ZNF546: variants seen among roughly 807,000 people sequenced by gnomAD.
ZNF546 encodes CTC-471F3.6.
A neutral mutation model predicts 76.2 loss-of-function variants in ZNF546; 60 were observed. The observed-to-expected ratio is 0.79, with a 90% CI of 0.64 to 0.98. The LOEUF is 0.98. Ranked by LOEUF, ZNF546 falls within the 50% of genes least tolerant of loss-of-function variation. The probability of loss-of-function intolerance (pLI) is 0.00; values close to 1 mark genes in which losing one functional copy is unlikely to be tolerated. For synonymous variants in ZNF546, 277 were observed against 328.1 expected (o/e 0.84, Z 1.68); for missense variants, 936 against 1,035.6 (o/e 0.90, Z 1.32).
chr19:40,008,423 T>C (rs1431431329), intron 5 of ZNF546, 47 bp from the exon 6 acceptor site: 2 of 1,435,882 alleles, frequency 1.4e-6, no homozygotes, highest in African/African-American at 1.4e-5. Context: ...GTTATGGTTG[T>C]TTTTGTTTTT....
chr19:40,006,056 AC>A, intron 3 of ZNF546, 39 bp from the exon 4 acceptor site: 1 of 1,555,198 alleles, frequency 6.4e-7, no homozygotes. Flanking sequence ...AGGAGTTTTG[AC>A]ACACATCTGG....
intron 6 of ZNF546, among the ~76,000 whole-genome samples, chr19:40,009,658 C>G (rs1010096267): frequency 6.6e-6 from 1 of 152,144 alleles, no homozygotes; most frequent in East Asian, 1.9e-4. Context: ...CCCTCTCTAC[C>G]CACTGCCCAG....
At chr19:40,009,029 C>T (rs1354847946) in intron 6 of ZNF546, among the ~76,000 whole-genome samples, 6 of 152,044 alleles carry the variant, frequency 3.9e-5, no homozygotes, top group Non-Finnish European at 7.4e-5. Context: ...GTTGTCAATA[C>T]GTAAACAGAT....
At chr19:40,005,593 C>T (rs1336316663) in intron 3 of ZNF546, among the ~76,000 whole-genome samples, 2 of 151,770 alleles carry the variant, frequency 1.3e-5, no homozygotes, top group African/African-American at 4.8e-5. Context: ...GGATGATATG[C>T]TGCTATTTTT....
At chr19:40,004,144 G>T (rs1971572259) in intron 3 of ZNF546, among the ~76,000 whole-genome samples, 1 of 143,588 alleles carries the variant, frequency 7.0e-6, no homozygotes, top group Admixed American at 7.0e-5. Flanking sequence ...ATATATATCA[G>T]CTGTTTTTAG....
rs2144649761 is a variant in ZNF546 at position 40,013,646 on chromosome 19, T to C, written c.395-19T>C. 2.2e-6 allele frequency: 3 copies of C among 1,352,334 alleles called. No individual in the cohort carries two copies. In the East Asian group the frequency reaches 8.1e-5, roughly 37 times the overall value. The allele number at this position is 1,352,334 out of a possible 1,614,324, so 83.8% of individuals were successfully genotyped here. On this transcript the variant is annotated intron_variant, in intron 6 of 6. Transcript: ENST00000347077. ...AGCATTTGTTTACTCTTTGCTTTTT[T>C]TTTTTTTTTTTTTTGCAGATTTGGA...
chr19:40,004,372 A>ATT, intron 3 of ZNF546, among the ~76,000 whole-genome samples: 1 of 151,956 alleles, frequency 6.6e-6, no homozygotes, highest in Non-Finnish European at 1.5e-5. Flanking sequence ...GGTTCAAGTG[A>ATT]TTCTCCTTCC....
chr19:40,000,408 A>C (rs1256274778), intron 3 of ZNF546, among the ~76,000 whole-genome samples: 3 of 152,088 alleles, frequency 2.0e-5, no homozygotes, highest in Non-Finnish European at 4.4e-5. Context: ...GTGGATCACG[A>C]GGTCAGGAGT....
intron 6 of ZNF546, 99 bp downstream of exon 6, chr19:40,008,664 C>G: frequency 1.2e-6 from 1 of 868,578 alleles, no homozygotes; most frequent in Admixed American, 2.0e-5. Context: ...AAGCTCCCTT[C>G]AAAGGCCTGA....
At chr19:40,007,716 A>G (rs1971622282) in intron 5 of ZNF546, among the ~76,000 whole-genome samples, 1 of 152,156 alleles carries the variant, frequency 6.6e-6, no homozygotes, top group Non-Finnish European at 1.5e-5. Context: ...CTGTGTTAAT[A>G]TCTGACCTTC....
chr19:40,011,330 A>G (rs1252722982), intron 6 of ZNF546: 1 of 151,940 alleles, frequency 6.6e-6, no homozygotes, highest in African/African-American at 2.4e-5. Context: ...GGTTCAAGCA[A>G]TTCTTCTGCC....
At chr19:40,010,152 C>T (rs965148179) in intron 6 of ZNF546, among the ~76,000 whole-genome samples, 2 of 152,100 alleles carry the variant, frequency 1.3e-5, no homozygotes, top group African/African-American at 4.8e-5. Flanking sequence ...CCTGTAATCC[C>T]AGCACTTTGG....
rs1398869138 is a variant in ZNF546, at chr19:40,015,544, T to C, written c.2274T>C (p.Phe758=). 1 of 1,614,036 alleles carries C rather than the reference T, an allele frequency of 6.2e-7. No individual in the cohort carries two copies. Among genetic ancestry groups the C allele is most frequent in the Non-Finnish European group, 8.5e-7 (1 of 1,180,054 alleles). Residue 758 remains phenylalanine (F), a synonymous_variant, in exon 7 of 7, where the codon TTT becomes TTC. Transcript: ENST00000347077. The stretch of plus-strand genomic sequence containing the variant: ...GCTGTAAAGAATGTGGGAATGCCTT[T>C]CGTCTTCAAGCAGAACTTACTCGAC... The part of the protein sequence containing the change: ...PYSCKECGNA[F]RLQAELTRHH...
intron 5 of ZNF546, 57 bp from the exon 6 acceptor site, chr19:40,008,413 G>T (rs973876139): frequency 3.0e-6 from 4 of 1,349,760 alleles, no homozygotes; most frequent in South Asian, 1.4e-5. Context: ...TCATTTCAAG[G>T]TTATGGTTGT....
intron 3 of ZNF546, among the ~76,000 whole-genome samples, chr19:40,000,392 A>C (rs1315738081): frequency 1.3e-5 from 2 of 152,108 alleles, no homozygotes; most frequent in Non-Finnish European, 2.9e-5. Flanking sequence ...TGGGAGGCCC[A>C]GGCAGGTGGA....
rs575988748 is a variant in ZNF546 at position 40,020,772 on chromosome 19, C to G, written c.*4991C>G. On this transcript the variant is annotated 3_prime_UTR_variant, in exon 7 of 7. Transcript: ENST00000347077. ...AAATGCCATAACCAAAAAAGAGTGA[C>G]CCTAAAGATAGAATATTCAGATCTA... 6.6e-5 allele frequency: 10 copies of G among 151,964 alleles called. No individual in the cohort carries two copies. Among genetic ancestry groups the G allele is most frequent in the African/African-American group, 2.4e-4 (10 of 41,380 alleles). The allele number at this position is 151,964 out of a possible 1,614,324, so 9.4% of individuals were successfully genotyped here.
In ZNF546 at chr19:40,015,684, A is replaced by G. The variant is rs532284034; in HGVS notation, c.2414A>G (p.Tyr805Cys). The change falls in exon 7 of 7, where the codon TAT becomes TGT. Residue 805 changes from tyrosine (Y) to cysteine (C), a missense_variant. Physicochemically the swap from Tyr to Cys is radical, Grantham distance 194. Transcript: ENST00000347077. Reference sequence around the variant, plus strand: ...AGAATTCATACTGGTGAAAAACCCTATCAATGTAAAGAATGTGGAAAAGCC... The same window carrying G: ...AGAATTCATACTGGTGAAAAACCCTGTCAATGTAAAGAATGTGGAAAAGCC... ...HHRIHTGEKPYQCKECGKAFI... is the reference protein window; with the variant it reads ...HHRIHTGEKPCQCKECGKAFI... 9 of 1,614,212 alleles carry G rather than the reference A, an allele frequency of 5.6e-6. No homozygotes were observed. Among genetic ancestry groups the G allele is most frequent in the Non-Finnish European group, 7.6e-6 (9 of 1,180,026 alleles).
chr19:40,003,201 A>G (rs1428480589), intron 3 of ZNF546, among the ~76,000 whole-genome samples: 3 of 150,998 alleles, frequency 2.0e-5, no homozygotes, highest in Admixed American at 1.3e-4. Context: ...ACGCCTGGCT[A>G]ATTTTTTTTG....
rs1258615917 is a variant in ZNF546, at chr19:40,012,802, C to A, written c.395-863C>A. 4.0e-5 allele frequency among the ~76,000 whole-genome samples: 6 copies of A among 151,814 alleles called. No individual in the cohort carries two copies. In the South Asian group the frequency reaches 1.2e-3, roughly 32 times the overall value. ...CTGATTTACCCTATTATCCTATTCACCTATTTTACCATTCTTTTTTTTTTT... is the reference window on the plus strand; with the variant it reads ...CTGATTTACCCTATTATCCTATTCAACTATTTTACCATTCTTTTTTTTTTT... On this transcript the variant is annotated intron_variant, in intron 6 of 6. Coordinates refer to ENST00000347077, the MANE Select transcript of ZNF546 (RefSeq NM_178544.5).
Sources: gnomAD v4.1 joint callset for allele counts (sites outside exome capture counted in the v4.1 genomes callset) on GRCh38, gnomAD v4.1.1 for gene constraint, MANE v1.5 for transcripts, NCBI Gene and HGNC (gene_info 2026-07-23, HGNC 2026-07-21) for gene names.